WWC1: variants seen among roughly 807,000 people sequenced by gnomAD.
WWC1 encodes the protein WW and C2 domain containing 1.
Under a neutral mutation model 138.4 loss-of-function variants are expected in WWC1, and 55 were observed. That is an observed-to-expected ratio of 0.40 (90% CI 0.32 to 0.50). The LOEUF is 0.50. WWC1 is among the 20% of genes least tolerant of loss of function. The pLI is 0.72. For missense variants in WWC1, 1,226 were observed against 1,420.4 expected, an observed-to-expected ratio of 0.86 and a Z score of 2.20; for synonymous variants, 524 against 564.9, an observed-to-expected ratio of 0.93 and a Z score of 1.03.
At chr5:168,349,818 G>T (rs1380294383) in intron 1 of WWC1, among the ~76,000 whole-genome samples, 1 of 152,162 alleles carries the variant, frequency 6.6e-6, no homozygotes, top group Non-Finnish European at 1.5e-5. Context: ...AATTGGTCTG[G>T]AGCAGCAGCT....
At chr5:168,347,388 T>C (rs1024131859) in intron 1 of WWC1, among the ~76,000 whole-genome samples, 1 of 152,232 alleles carries the variant, frequency 6.6e-6, no homozygotes, top group African/African-American at 2.4e-5. Context: ...CTTCAGTTGA[T>C]CACCCTGGCC....
At chr5:168,356,327 T>C (rs1775410740) in intron 1 of WWC1, among the ~76,000 whole-genome samples, 1 of 152,258 alleles carries the variant, frequency 6.6e-6, no homozygotes, top group African/African-American at 2.4e-5. Flanking sequence ...CGGAGGCCCA[T>C]GGAGGCAAGG....
At chr5:168,383,706 AC>A (rs1436920608) in intron 2 of WWC1, among the ~76,000 whole-genome samples, 3 of 152,186 alleles carry the variant, frequency 2.0e-5, no homozygotes, top group Non-Finnish European at 4.4e-5. Context: ...TTTTTTACAT[AC>A]CAGTAATCAA....
intron 9 of WWC1, among the ~76,000 whole-genome samples, chr5:168,417,384 A>AG (rs746216435): frequency 6.6e-5 from 10 of 152,064 alleles, no homozygotes; most frequent in Non-Finnish European, 1.5e-4. Context: ...GGAGGCTCTT[A>AG]GGGACCCCTA....
chr5:168,436,318 G>A (rs1041803917), intron 15 of WWC1, among the ~76,000 whole-genome samples: 1 of 152,064 alleles, frequency 6.6e-6, no homozygotes, highest in African/African-American at 2.4e-5. Context: ...TGGTTACCTC[G>A]CTCTTCCAGT....
chr5:168,295,041 G>A (rs547836492), intron 1 of WWC1, among the ~76,000 whole-genome samples: 74 of 152,220 alleles, frequency 4.9e-4, no homozygotes, highest in African/African-American at 1.7e-3. Context: ...CAACTCTGGG[G>A]GTCACTATTG....
intron 1 of WWC1, among the ~76,000 whole-genome samples, chr5:168,337,563 C>T (rs1255807622): frequency 2.0e-5 from 3 of 152,186 alleles, no homozygotes; most frequent in Non-Finnish European, 4.4e-5. Context: ...AAGATCAAGG[C>T]CAGGAGGCCC....
At chr5:168,338,016 A>G (rs909269622) in intron 1 of WWC1, among the ~76,000 whole-genome samples, 3 of 152,108 alleles carry the variant, frequency 2.0e-5, no homozygotes, top group African/African-American at 7.2e-5. Context: ...GTTTGTTCTA[A>G]ATGCAGTGGG....
At chr5:168,408,440 G>T in intron 6 of WWC1, 67 bp from the exon 7 acceptor site, 1 of 1,571,364 alleles carries the variant, frequency 6.4e-7, no homozygotes. Context: ...GAAGCACAGG[G>T]AGCGTGGCAG....
At chr5:168,402,132 A>G (rs1175726673) in intron 5 of WWC1, among the ~76,000 whole-genome samples, 1 of 152,040 alleles carries the variant, frequency 6.6e-6, no homozygotes, top group Non-Finnish European at 1.5e-5. Context: ...TGATGCTGAA[A>G]CCCCAAAGAC....
At chr5:168,424,798 C>A (rs6897615) in intron 11 of WWC1, among the ~76,000 whole-genome samples, 14,468 of 152,180 alleles carry the variant, frequency 0.095, 732 homozygotes, top group Middle Eastern at 0.13. Flanking sequence ...CCTAATTGCA[C>A]TGGGGACCCA....
At chr5:168,393,735 G>T (rs1010614358) in intron 3 of WWC1, among the ~76,000 whole-genome samples, 2 of 152,132 alleles carry the variant, frequency 1.3e-5, no homozygotes, top group Admixed American at 1.3e-4. Context: ...GAAGCCAGCC[G>T]AACACAGAGA....
chr5:168,340,196 C>T (rs1340560000), intron 1 of WWC1, among the ~76,000 whole-genome samples: 1 of 152,110 alleles, frequency 6.6e-6, no homozygotes, highest in African/African-American at 2.4e-5. Flanking sequence ...CTGCCTCAGC[C>T]TCCCAAGTAG....
chr5:168,319,977 T>G (rs1199539765), intron 1 of WWC1, among the ~76,000 whole-genome samples: 2 of 152,124 alleles, frequency 1.3e-5, no homozygotes, highest in Non-Finnish European at 2.9e-5. Flanking sequence ...GGTATTTCAT[T>G]GTGGTTTTGG....
chr5:168,463,541 G>A (rs548529810), intron 20 of WWC1, among the ~76,000 whole-genome samples: 26 of 152,282 alleles, frequency 1.7e-4, no homozygotes, highest in African/African-American at 6.3e-4. Flanking sequence ...ATTATACAGG[G>A]CGTGTATATT....
chr5:168,336,977 C>A (rs1773530245), intron 1 of WWC1, among the ~76,000 whole-genome samples: 1 of 152,196 alleles, frequency 6.6e-6, no homozygotes, highest in Non-Finnish European at 1.5e-5. Flanking sequence ...TATTACGAAT[C>A]TTGATTGCAA....
intron 17 of WWC1, among the ~76,000 whole-genome samples, chr5:168,447,228 ATAACTCTTCCG>A (rs1462033810): frequency 6.6e-6 from 1 of 152,244 alleles, no homozygotes; most frequent in Non-Finnish European, 1.5e-5. Flanking sequence ...GAAACATTCA[ATAACTCTTCCG>A]TATTATTATT....
chr5:168,435,414 A>G (rs1050714669), intron 15 of WWC1, among the ~76,000 whole-genome samples: 15 of 152,140 alleles, frequency 9.9e-5, no homozygotes, highest in Non-Finnish European at 1.6e-4. Flanking sequence ...AAAACAAAAC[A>G]AAAAAATTTT....
Position 168,292,413 on chromosome 5 carries a change from C to T in WWC1, c.119+142C>T, listed in dbSNP as rs1390883660. ...TCTCTTCAGTTCGCCACCCCCTGCT[C>T]CCCCCAACCTTCTGGAGCGCTGCTC... On this transcript the variant is annotated intron_variant, in intron 1 of 22. Coordinates refer to ENST00000265293, the MANE Select transcript of WWC1 (RefSeq NM_015238.3). This position sits in a 1 kb window ranked among gnomAD's most constrained non-coding sequence, Gnocchi z 4.4. 5 of 969,374 alleles carry T rather than the reference C, an allele frequency of 5.2e-6. No individual in the cohort carries two copies. Among genetic ancestry groups the T allele is most frequent in the Non-Finnish European group, 7.4e-6 (5 of 673,972 alleles). 60.0% of individuals were successfully genotyped at this position (969,374 alleles called of 1,614,324 possible). A position where few individuals can be genotyped will look rare whatever the true frequency, so the allele number is the denominator to read the frequency against.
Sources: gnomAD v4.1 joint callset for allele counts (sites outside exome capture counted in the v4.1 genomes callset) on GRCh38, gnomAD v4.1.1 for gene constraint, Gnocchi (gnomAD v3.1) non-coding constraint, MANE v1.5 for transcripts, NCBI Gene and HGNC (gene_info 2026-07-23, HGNC 2026-07-21) for gene names.